The following GRHL2 variants were observed in gnomAD, a reference collection of about 807,000 sequenced individuals.
GRHL2 encodes the protein grainyhead like transcription factor 2, also known as grainyhead-like protein 2 homolog.
A neutral mutation model predicts 83.8 loss-of-function variants in GRHL2; 21 were observed. That is an observed-to-expected ratio of 0.25 (90% CI 0.18 to 0.36). The LOEUF (loss-of-function observed/expected upper bound fraction) is 0.36. Ranked by LOEUF, GRHL2 falls within the 10% of genes least tolerant of loss-of-function variation. GRHL2 has a pLI of 1.00. For missense variants in GRHL2, 623 were observed against 781.8 expected, an observed-to-expected ratio of 0.80 and a Z score of 2.42; for synonymous variants, 280 against 278.9, an observed-to-expected ratio of 1.00 and a Z score of -0.04.
intron 9 of GRHL2, among the ~76,000 whole-genome samples, chr8:101,630,987 T>C (rs1024064588): frequency 1.3e-5 from 2 of 152,136 alleles, no homozygotes; most frequent in African/African-American, 2.4e-5. Flanking sequence ...AAAAGCCAAA[T>C]TGCAAAAACA....
chr8:101,681,196 G>T, the GRHL2 span, among the ~76,000 whole-genome samples: 1 of 91,224 alleles, frequency 1.1e-5, no homozygotes, highest in African/African-American at 5.2e-5. Context: ...TAATAAAGAA[G>T]AAAAGAGAGA....
intron 1 of GRHL2, among the ~76,000 whole-genome samples, chr8:101,512,731 G>A (rs545875714): frequency 3.9e-5 from 6 of 152,180 alleles, no homozygotes; most frequent in South Asian, 2.1e-4. Flanking sequence ...TACGCTGGTC[G>A]GGATTGGCAG....
At chr8:101,585,328 A>T (rs957093322) in intron 7 of GRHL2, among the ~76,000 whole-genome samples, 1 of 152,142 alleles carries the variant, frequency 6.6e-6, no homozygotes, top group Non-Finnish European at 1.5e-5. Flanking sequence ...TCATTTTTTG[A>T]TGTTTTTCTA....
At chr8:101,660,158 A>G (rs1323449713) in intron 14 of GRHL2, among the ~76,000 whole-genome samples, 1 of 152,268 alleles carries the variant, frequency 6.6e-6, no homozygotes, top group Admixed American at 6.5e-5. Flanking sequence ...AAGTTATTAC[A>G]TCTGTAACAA....
chr8:101,594,221 C>A (rs950495614), intron 7 of GRHL2, among the ~76,000 whole-genome samples: 1 of 152,110 alleles, frequency 6.6e-6, no homozygotes, highest in Non-Finnish European at 1.5e-5. Flanking sequence ...ATTTCAAACT[C>A]CTGGCCTCTG....
intron 1 of GRHL2, among the ~76,000 whole-genome samples, chr8:101,526,602 A>T (rs764509656): frequency 2.8e-5 from 4 of 143,080 alleles, no homozygotes; most frequent in Non-Finnish European, 6.0e-5. Context: ...GTTTTCTGTG[A>T]AGTGATAGAC....
At chr8:101,592,352 C>T (rs970905741) in intron 7 of GRHL2, among the ~76,000 whole-genome samples, 1 of 152,152 alleles carries the variant, frequency 6.6e-6, no homozygotes, top group Non-Finnish European at 1.5e-5. Context: ...ATCCACCTGC[C>T]TTGGCCTCCC....
intron 5 of GRHL2, among the ~76,000 whole-genome samples, chr8:101,571,500 A>AT: frequency 6.6e-6 from 1 of 151,616 alleles, no homozygotes; most frequent in Middle Eastern, 3.4e-3. Context: ...TAAAAAAAAA[A>AT]AAAAAAGAGT....
intron 1 of GRHL2, chr8:101,529,094 C>A (rs1311340250): frequency 1.0e-5 from 4 of 384,280 alleles, no homozygotes; most frequent in African/African-American, 6.5e-5. Flanking sequence ...ACAGGGATTT[C>A]TATGGGGCTT....
intron 1 of GRHL2, among the ~76,000 whole-genome samples, chr8:101,524,340 G>A (rs1031085407): frequency 1.3e-5 from 2 of 151,894 alleles, no homozygotes; most frequent in South Asian, 2.1e-4. Context: ...TCTTTACTTC[G>A]TTAATTTGTT....
chr8:101,580,860 C>T (rs1238886395), intron 7 of GRHL2, among the ~76,000 whole-genome samples: 3 of 152,090 alleles, frequency 2.0e-5, no homozygotes, highest in Non-Finnish European at 2.9e-5. Flanking sequence ...CACGCCACCA[C>T]GCCCAGCTAA....
At chr8:101,611,350 T>A (rs1009057069) in intron 8 of GRHL2, among the ~76,000 whole-genome samples, 1 of 150,820 alleles carries the variant, frequency 6.6e-6, no homozygotes, top group Non-Finnish European at 1.5e-5. Flanking sequence ...CACTTGTGAG[T>A]TGATCTCCTT....
At chr8:101,518,270 C>T (rs1174046959) in intron 1 of GRHL2, among the ~76,000 whole-genome samples, 7 of 152,064 alleles carry the variant, frequency 4.6e-5, no homozygotes, top group East Asian at 1.9e-4. Flanking sequence ...ATTAGCCGGG[C>T]GTGATGGTGC....
chr8:101,669,694 G>GAA lies in GRHL2; in HGVS notation c.*2996_*2997dup, dbSNP rs10696908. ...TTTATTTTTTGTACATTTTTAAGGA[G>GAA]AAAAAATAAATATTCATAACATAAG... On this transcript the variant is annotated 3_prime_UTR_variant, in exon 16 of 16. Transcript: ENST00000646743. 1.3e-5 allele frequency: 2 copies of GAA among 152,120 alleles called. No homozygotes were observed. The highest frequency in any genetic ancestry group is 4.8e-5 in the African/African-American group (2 of 41,300). 9.4% of individuals were successfully genotyped at this position (152,120 alleles called of 1,614,324 possible). A position where few individuals can be genotyped will look rare whatever the true frequency, so the allele number is the denominator to read the frequency against.
chr8:101,574,747 T>C (rs565066716), intron 6 of GRHL2, among the ~76,000 whole-genome samples: 16 of 152,296 alleles, frequency 1.1e-4, no homozygotes, highest in African/African-American at 3.6e-4. Context: ...ATTAGTAAAT[T>C]CTAATGCTGT....
intron 4 of GRHL2, among the ~76,000 whole-genome samples, chr8:101,566,581 TATA>T (rs376885753): frequency 4.6e-4 from 67 of 146,898 alleles, no homozygotes; most frequent in East Asian, 4.1e-3. Flanking sequence ...ATAATATAAA[TATA>T]ATAATATTAT....
At chr8:101,587,062 T>C (rs539336561) in intron 7 of GRHL2, among the ~76,000 whole-genome samples, 1 of 152,324 alleles carries the variant, frequency 6.6e-6, no homozygotes, top group Admixed American at 6.5e-5. Context: ...TATTTCTGTT[T>C]TCCTGAAACA....
At chr8:101,620,215 T>C (rs558799698) in intron 9 of GRHL2, among the ~76,000 whole-genome samples, 2 of 152,278 alleles carry the variant, frequency 1.3e-5, no homozygotes, top group African/African-American at 4.8e-5. Context: ...CATGACCTCA[T>C]CTAAACCCAA....
intron 1 of GRHL2, among the ~76,000 whole-genome samples, chr8:101,513,278 A>C (rs1810499817): frequency 6.6e-6 from 1 of 151,976 alleles, no homozygotes; most frequent in Non-Finnish European, 1.5e-5. Context: ...CCTTGGGTAA[A>C]TTACTTAATT....
Sources: gnomAD v4.1 joint callset for allele counts (sites outside exome capture counted in the v4.1 genomes callset) on GRCh38, gnomAD v4.1.1 for gene constraint, MANE v1.5 for transcripts, NCBI Gene and HGNC (gene_info 2026-07-23, HGNC 2026-07-21) for gene names.